Variants in PPP3CA observed in about 807,000 individuals in gnomAD.
The protein encoded by PPP3CA is CAM-PRP catalytic subunit.
Under a neutral mutation model 66.5 loss-of-function variants are expected in PPP3CA, and 14 were observed. The observed-to-expected ratio is 0.21, with a 90% CI of 0.14 to 0.33. The LOEUF is 0.33. Ranked by LOEUF, PPP3CA falls within the 10% of genes least tolerant of loss-of-function variation. PPP3CA has a pLI of 1.00. For missense variants in PPP3CA, 317 were observed against 639.5 expected (o/e 0.50, Z 5.44); for synonymous variants, 232 against 226.2 (o/e 1.03, Z -0.23).
intron 1 of PPP3CA, among the ~76,000 whole-genome samples, chr4:101,321,020 T>C (rs1729026351): frequency 6.6e-6 from 1 of 152,204 alleles, no homozygotes; most frequent in Non-Finnish European, 1.5e-5. Context: ...TTGATGTTTG[T>C]GTATGTGCTT....
chr4:101,037,187 A>G (rs1467309031), intron 11 of PPP3CA, among the ~76,000 whole-genome samples: 1 of 152,054 alleles, frequency 6.6e-6, no homozygotes, highest in South Asian at 2.1e-4. Context: ...TAGCTCCCAA[A>G]ATGCTGAGGT....
At chr4:101,300,621 CCTCT>C (rs1728344066) in intron 1 of PPP3CA, among the ~76,000 whole-genome samples, 1 of 151,970 alleles carries the variant, frequency 6.6e-6, no homozygotes, top group South Asian at 2.1e-4. Context: ...ACGGTGAAAC[CCTCT>C]CTCTACTAAA....
At chr4:101,040,732 GCCA>G (rs1320357962) in intron 10 of PPP3CA, among the ~76,000 whole-genome samples, 166 bp from the exon 11 acceptor site, 3 of 151,758 alleles carry the variant, frequency 2.0e-5, no homozygotes, top group African/African-American at 7.3e-5. Context: ...TAAGCTTTTG[GCCA>G]CCAATACTAG....
intron 8 of PPP3CA, among the ~76,000 whole-genome samples, chr4:101,068,961 A>G (rs1055763243): frequency 1.3e-5 from 2 of 152,148 alleles, no homozygotes; most frequent in African/African-American, 4.8e-5. Context: ...GGGAAAGTTA[A>G]TGTTTATATT....
intron 6 of PPP3CA, among the ~76,000 whole-genome samples, chr4:101,089,527 T>C (rs1428160059): frequency 6.6e-6 from 1 of 152,206 alleles, no homozygotes; most frequent in Non-Finnish European, 1.5e-5. Flanking sequence ...AAAAGAGCTT[T>C]AGGGTGTCTA....
rs1560604970 is a variant in PPP3CA at position 101,106,441 on chromosome 4, GAAAGAAAGAAAGA to G, written c.384+2500_384+2512del. Among the ~76,000 whole-genome samples the G allele has an allele frequency of 2.9e-3, 33 of 11,304 alleles. 9 individuals are homozygous for G. Among genetic ancestry groups the G allele is most frequent in the African/African-American group, 0.01 (33 of 3,200 alleles). 7.4% of individuals were successfully genotyped at this position (11,304 alleles called of 152,430 possible). A position where few individuals can be genotyped will look rare whatever the true frequency, so the allele number is the denominator to read the frequency against. On this transcript the variant is annotated intron_variant, in intron 3 of 13. Transcript: ENST00000394854. Reference sequence around the variant, plus strand: ...AGAAAGAAAGAAAGAAAGAAAGAAAGAAAGAAAGAAAGAGAAAAGAAAAGAAAAGAAAAGAAAA... The same window carrying G: ...AGAAAGAAAGAAAGAAAGAAAGAAAGGAAAAGAAAAGAAAAGAAAAGAAAA...
intron 1 of PPP3CA, among the ~76,000 whole-genome samples, chr4:101,266,074 G>A: frequency 6.6e-6 from 1 of 151,936 alleles, no homozygotes. Context: ...ACCTCAACAG[G>A]TTTATTTACT....
intron 1 of PPP3CA, among the ~76,000 whole-genome samples, chr4:101,243,662 A>G (rs1269981774): frequency 6.6e-6 from 1 of 152,198 alleles, no homozygotes; most frequent in African/African-American, 2.4e-5. Flanking sequence ...CCCATTTTAT[A>G]TAATAGATTT....
At chr4:101,157,086 C>T (rs893294039) in intron 2 of PPP3CA, among the ~76,000 whole-genome samples, 5 of 152,090 alleles carry the variant, frequency 3.3e-5, no homozygotes, top group African/African-American at 1.2e-4. Flanking sequence ...GTTATGAGGT[C>T]GGTTTGTGAA....
At chr4:101,224,015 T>C (rs1236895460) in intron 1 of PPP3CA, among the ~76,000 whole-genome samples, 1 of 151,788 alleles carries the variant, frequency 6.6e-6, no homozygotes, top group Admixed American at 6.6e-5. Context: ...TTAGCACTAA[T>C]ACTCTAAATT....
intron 2 of PPP3CA, among the ~76,000 whole-genome samples, chr4:101,140,186 G>A (rs772230478): frequency 6.6e-6 from 1 of 152,114 alleles, no homozygotes; most frequent in Non-Finnish European, 1.5e-5. Context: ...TTTCCTAAAG[G>A]AGATTACTTG....
Position 101,276,212 on chromosome 4 carries a change from C to T in PPP3CA, c.58+70527G>A, listed in dbSNP as rs558934292. The stretch of plus-strand genomic sequence containing the variant: ...TCCTGGCCTTATCAAGGTTTTGTAT[C>T]GAGATTACGGAAACCTGCCCATATT... On this transcript the variant is annotated intron_variant, in intron 1 of 13. Transcript: ENST00000394854. Among the ~76,000 whole-genome samples the T allele has an allele frequency of 5.0e-4, 76 of 151,990 alleles. 2 individuals are homozygous for T. In the South Asian group the frequency reaches 0.015, roughly 31 times the overall value.
At chr4:101,205,120 C>T (rs1725091059) in intron 1 of PPP3CA, among the ~76,000 whole-genome samples, 1 of 151,622 alleles carries the variant, frequency 6.6e-6, no homozygotes, top group Admixed American at 6.6e-5. Flanking sequence ...TATTTTTTGG[C>T]CTTGAACATT....
intron 1 of PPP3CA, among the ~76,000 whole-genome samples, chr4:101,271,691 C>T (rs772175605): frequency 1.3e-5 from 2 of 152,108 alleles, no homozygotes; most frequent in African/African-American, 2.4e-5. Context: ...GGAATCATTC[C>T]TCTTCCTGTT....
At chr4:101,159,360 C>T (rs1723427351) in intron 2 of PPP3CA, among the ~76,000 whole-genome samples, 1 of 152,164 alleles carries the variant, frequency 6.6e-6, no homozygotes, top group South Asian at 2.1e-4. Context: ...CATACCTGCC[C>T]ACTGACCCAC....
chr4:101,270,793 T>C (rs944074914), intron 1 of PPP3CA, among the ~76,000 whole-genome samples: 11 of 152,178 alleles, frequency 7.2e-5, no homozygotes, highest in Non-Finnish European at 1.6e-4. Flanking sequence ...TTAATTATGG[T>C]ATATTTTACA....
intron 2 of PPP3CA, among the ~76,000 whole-genome samples, chr4:101,124,728 AAAGAAAG>A (rs1560614480): frequency 2.1e-4 from 11 of 52,146 alleles, no homozygotes; most frequent in African/African-American, 7.4e-4. Flanking sequence ...AAAGAAAGAG[AAAGAAAG>A]AAAGAAAGAA....
chr4:101,136,497 C>A (rs914242551), intron 2 of PPP3CA, among the ~76,000 whole-genome samples: 8 of 151,614 alleles, frequency 5.3e-5, no homozygotes, highest in Admixed American at 5.3e-4. Context: ...ACCAAGATCG[C>A]GCCAGTGCAC....
chr4:101,215,910 G>T (rs1226401704), intron 1 of PPP3CA, among the ~76,000 whole-genome samples: 1 of 152,082 alleles, frequency 6.6e-6, no homozygotes, highest in East Asian at 1.9e-4. Flanking sequence ...TAAAATTAAA[G>T]TTGTATCACC....
Sources: allele counts gnomAD v4.1 joint callset (sites outside exome capture counted in the v4.1 genomes callset), GRCh38; gene constraint gnomAD v4.1.1; transcripts MANE v1.5; gene names NCBI Gene and HGNC (gene_info 2026-07-23, HGNC 2026-07-21).